ZNF689: variants seen among roughly 807,000 people sequenced by gnomAD.
ZNF689 encodes the protein zinc finger protein 689.
ZNF689 carries 14 observed loss-of-function variants against 37.2 expected under a neutral mutation model. The observed-to-expected ratio is 0.38, with a 90% CI of 0.25 to 0.59. ZNF689 has a LOEUF of 0.59. ZNF689 is among the 20% of genes least tolerant of loss of function. The pLI, the probability that ZNF689 is intolerant of heterozygous loss-of-function variation, is 0.68. For missense variants in ZNF689, 573 were observed against 700.2 expected (o/e 0.82, Z 2.05); for synonymous variants, 277 against 283.3 (o/e 0.98, Z 0.22).
chr16:30,609,789 C>T, intron 1 of ZNF689, 48 bp downstream of exon 1: 2 of 1,572,560 alleles, frequency 1.3e-6, no homozygotes, highest in Non-Finnish European at 1.7e-6. Flanking sequence ...CCCTCTCCGG[C>T]TCCTGCATCC....
chr16:30,609,289 AGACG>A, intron 2 of ZNF689: 4 of 328,048 alleles, frequency 1.2e-5, no homozygotes, highest in Admixed American at 4.5e-5. Flanking sequence ...AAAAAAAAAA[AGACG>A]AAGAATAAGC....
rs781169168 is a variant in ZNF689 at position 30,604,962 on chromosome 16, GA to G, written c.804del (p.Arg269AlafsTer8). On this transcript the variant is annotated frameshift_variant, in exon 3 of 3. Transcript: ENST00000287461. LOFTEE classifies it high-confidence loss of function. This position sits in a 1 kb window ranked among gnomAD's most constrained non-coding sequence, Gnocchi z 5.2. Reference sequence around the variant, plus strand: ...GCTAGCAGGGAGGGGTAGGCGAAGCGACGTCCACAGCTAGGGCACTGGTGGG... The same window carrying G: ...GCTAGCAGGGAGGGGTAGGCGAAGCGCGTCCACAGCTAGGGCACTGGTGGG... ...EKPHQCPSCG[R>X]RFAYPSLLAI... 1 of 1,581,332 alleles carries G rather than the reference GA, an allele frequency of 6.3e-7. No homozygotes were observed. The highest frequency in any genetic ancestry group is 1.2e-5 in the South Asian group (1 of 85,150).
chr16:30,604,822 C>T lies in ZNF689; in HGVS notation c.945G>A (p.Lys315=). ...GCTCGCAGTCCGGGCACGGGTAGGG[C>T]TTCTCGCCCGTGTGGATGCGCTGGT... ...VIHQRIHTGE[K]PYPCPDCERR... The change falls in exon 3 of 3, where the codon AAG becomes AAA. Residue 315 remains lysine, a synonymous_variant. Coordinates refer to ENST00000287461, the MANE Select transcript of ZNF689 (RefSeq NM_138447.3). This position sits in a 1 kb window ranked among gnomAD's most constrained non-coding sequence, Gnocchi z 5.2. 6.2e-7 allele frequency: 1 copy of T among 1,607,318 alleles called. No homozygotes were observed.
chr16:30,609,432 C>T, intron 2 of ZNF689, 93 bp downstream of exon 2: 2 of 1,130,352 alleles, frequency 1.8e-6, no homozygotes, highest in Non-Finnish European at 2.6e-6. Flanking sequence ...TACGCGGCAC[C>T]CACCCCTAGC....
At position 30,604,375 on chromosome 16, in the gene ZNF689, C is replaced by A. The variant is rs1219316566; in HGVS notation, c.1392G>T (p.Arg464=). The A allele has an allele frequency of 6.2e-7, 1 of 1,613,726 alleles. No homozygotes were observed. Among genetic ancestry groups the A allele is most frequent in the Admixed American group, 1.7e-5 (1 of 60,014 alleles). The part of the protein sequence containing the change: ...EKPFPCLECG[R]CFRQRWSLAV... ...CCAGAGACCACCTCTGGCGGAAGCA[C>A]CGGCCACACTCGAGGCAGGGGAAAG... Residue 464 remains arginine, a synonymous_variant, in exon 3 of 3, where the codon CGG becomes CGT. Coordinates refer to ENST00000287461, the MANE Select transcript of ZNF689 (RefSeq NM_138447.3). This position sits in a 1 kb window ranked among gnomAD's most constrained non-coding sequence, Gnocchi z 5.2.
At chr16:30,606,609 C>T (rs934541569) in intron 2 of ZNF689, among the ~76,000 whole-genome samples, 3 of 151,810 alleles carry the variant, frequency 2.0e-5, no homozygotes, top group African/African-American at 7.3e-5. Context: ...AAGTGATTCT[C>T]CCTGCCTCAG....
Position 30,610,110 on chromosome 16 carries a change from G to A in ZNF689, c.-69C>T. On this transcript the variant is annotated 5_prime_UTR_variant, in exon 1 of 3. Transcript: ENST00000287461. ...CGGCCCTCGGGCGCTGGCGGCCCCT[G>A]GGATCGAGGAGCCCCTGCCGGACCA... 1.3e-6 allele frequency: 2 copies of A among 1,502,148 alleles called. No homozygotes were observed. The highest frequency in any genetic ancestry group is 1.8e-6 in the Non-Finnish European group (2 of 1,123,108). 93.1% of individuals were successfully genotyped at this position (1,502,148 alleles called of 1,614,324 possible). A position where few individuals can be genotyped will look rare whatever the true frequency, so the allele number is the denominator to read the frequency against.
chr16:30,606,252 A>G (rs1596586749), intron 2 of ZNF689, among the ~76,000 whole-genome samples: 1 of 152,282 alleles, frequency 6.6e-6, no homozygotes, highest in South Asian at 2.1e-4. Flanking sequence ...ACTGTGAACC[A>G]TGATGGCACC....
intron 2 of ZNF689, among the ~76,000 whole-genome samples, chr16:30,607,302 G>T (rs918319915): frequency 4.9e-4 from 70 of 143,224 alleles, no homozygotes; most frequent in African/African-American, 1.8e-3. Flanking sequence ...TGTTAGAAAC[G>T]TAAGTCCCAG....
chr16:30,609,717 G>A lies in ZNF689; in HGVS notation c.206-79C>T, dbSNP rs1596588894. On this transcript the variant is annotated intron_variant, in intron 1 of 2. Transcript: ENST00000287461. ...TCTCCCCGACGGCACCTCCTGCTAA[G>A]CCCCTGCCCACCTCCCCTGACAACC... 3 of 1,596,432 alleles carry A rather than the reference G, an allele frequency of 1.9e-6. No individual in the cohort carries two copies. In the Admixed American group the frequency reaches 5.2e-5, roughly 28 times the overall value.
Position 30,603,363 on chromosome 16 carries a change from GC to G in ZNF689, c.*900del, listed in dbSNP as rs2051998127. On this transcript the variant is annotated 3_prime_UTR_variant, in exon 3 of 3. Transcript: ENST00000287461. The stretch of plus-strand genomic sequence containing the variant: ...TACAAGATGAAGACTTAGTTTTATA[GC>G]TTTTTTTTTTTTTTTTAAGTTTAGG... The G allele has an allele frequency of 8.1e-6, 1 of 124,096 alleles. No individual in the cohort carries two copies. Among genetic ancestry groups the G allele is most frequent in the African/African-American group, 3.6e-5 (1 of 28,146 alleles). The allele number at this position is 124,096 out of a possible 1,614,324, so 7.7% of individuals were successfully genotyped here.
Position 30,604,732 on chromosome 16 carries a change from A to G in ZNF689, c.1035T>C (p.Tyr345=). Residue 345 remains tyrosine, a synonymous_variant, in exon 3 of 3, where the codon TAT becomes TAC. Transcript: ENST00000287461. This position sits in a 1 kb window ranked among gnomAD's most constrained non-coding sequence, Gnocchi z 5.2. ...AGCGGGCCTCACAGTGCTCGCAGGC[A>G]TAGGGACGCTCCCCAGAGTGCACAC... The part of the protein sequence containing the change: ...HRRVHSGERP[Y]ACEHCEARFS... 1 of 1,606,554 alleles carries G rather than the reference A, an allele frequency of 6.2e-7. No individual in the cohort carries two copies. The highest frequency in any genetic ancestry group is 8.5e-7 in the Non-Finnish European group (1 of 1,177,622).
In ZNF689 at chr16:30,602,886, T is replaced by C. The variant is rs1046497930; in HGVS notation, c.*1378A>G. 2.6e-5 allele frequency: 4 copies of C among 152,208 alleles called. No homozygotes were observed. Among genetic ancestry groups the C allele is most frequent in the African/African-American group, 7.2e-5 (3 of 41,456 alleles). 9.4% of individuals were successfully genotyped at this position (152,208 alleles called of 1,614,324 possible). ...TCACATTTAACTCGGTAAAGCTTTA[T>C]GAAGCACCTACCCAGTGGGTGCCAT... is the stretch of plus-strand genomic sequence containing the variant. On this transcript the variant is annotated 3_prime_UTR_variant, in exon 3 of 3. Coordinates refer to ENST00000287461, the MANE Select transcript of ZNF689 (RefSeq NM_138447.3).
At chr16:30,609,207 G>A (rs958973588) in intron 2 of ZNF689, among the ~76,000 whole-genome samples, 2 of 151,126 alleles carry the variant, frequency 1.3e-5, no homozygotes, top group East Asian at 3.9e-4. Context: ...GGGAGGCCAA[G>A]GCAGGAGGAT....
In ZNF689 at chr16:30,605,349, G is replaced by A. The variant is rs1457703553; in HGVS notation, c.418C>T (p.Leu140=). The A allele has an allele frequency of 6.2e-7, 1 of 1,613,836 alleles. No individual in the cohort carries two copies. Among genetic ancestry groups the A allele is most frequent in the Admixed American group, 1.7e-5 (1 of 59,960 alleles). Residue 140 remains leucine (L), a synonymous_variant, in exon 3 of 3, where the codon CTG becomes TTG. Coordinates refer to ENST00000287461, the MANE Select transcript of ZNF689 (RefSeq NM_138447.3). This position sits in a 1 kb window ranked among gnomAD's most constrained non-coding sequence, Gnocchi z 5.1. ...CCCCCGGACGTCTGCCTAGGAATCA[G>A]TCGGGGTTTGCTGGGCCTCCGGCCT... ...KRGRRPSKPR[L]IPRQTSGGPI...
chr16:30,607,173 T>C (rs1346330395), intron 2 of ZNF689, among the ~76,000 whole-genome samples: 1 of 129,958 alleles, frequency 7.7e-6, no homozygotes, highest in Non-Finnish European at 1.5e-5. Flanking sequence ...CACTTGATCC[T>C]GGGAGGCGGA....
At position 30,605,112 on chromosome 16, in the gene ZNF689, T is replaced by C; in HGVS notation, c.655A>G (p.Asn219Asp). The change falls in exon 3 of 3, where the codon AAC becomes GAC. Residue 219 changes from asparagine (N) to aspartate (D), a missense_variant. Transcript: ENST00000287461. This position sits in a 1 kb window ranked among gnomAD's most constrained non-coding sequence, Gnocchi z 5.1. ...QCGKRFSQRK[N>D]LSQHQVIHTG... ...TGGATGACCTGGTGCTGGGAGAGGT[T>C]CTTGCGCTGGGAGAAACGTTTGCCA... 1 of 1,613,946 alleles carries C rather than the reference T, an allele frequency of 6.2e-7. No individual in the cohort carries two copies. The highest frequency in any genetic ancestry group is 8.5e-7 in the Non-Finnish European group (1 of 1,179,970).
rs960669975 is a variant in ZNF689, at chr16:30,604,051, G to A, written c.*213C>T. 3.1e-5 allele frequency: 22 copies of A among 709,272 alleles called. No individual in the cohort carries two copies. In the South Asian group the frequency reaches 3.3e-4, roughly 11 times the overall value. 43.9% of individuals were successfully genotyped at this position (709,272 alleles called of 1,614,324 possible). A position where few individuals can be genotyped will look rare whatever the true frequency, so the allele number is the denominator to read the frequency against. Reference sequence around the variant, plus strand: ...AACTATTTTAGGATAGGGTAGCTTGGAAAACTTTAAGCAAATGACGTCACC... The same window carrying A: ...AACTATTTTAGGATAGGGTAGCTTGAAAAACTTTAAGCAAATGACGTCACC... On this transcript the variant is annotated 3_prime_UTR_variant, in exon 3 of 3. Transcript: ENST00000287461. The surrounding 1 kb of genome is among the most constrained non-coding windows in gnomAD (Gnocchi z 5.2).
At position 30,609,667 on chromosome 16, in the gene ZNF689, A is replaced by T. The variant is rs759549892; in HGVS notation, c.206-29T>A. 11 of 1,613,540 alleles carry T rather than the reference A, an allele frequency of 6.8e-6. No homozygotes were observed. In the East Asian group the frequency reaches 2.0e-4, roughly 29 times the overall value. On this transcript the variant is annotated intron_variant, in intron 1 of 2. Transcript: ENST00000287461. ...GGGAAAGAGAACAAATCAGAAGGCC[A>T]GCTCCTAGATCACGCCGAGTAGTAT...
Sources: allele counts gnomAD v4.1 joint callset (sites outside exome capture counted in the v4.1 genomes callset), GRCh38; gene constraint gnomAD v4.1.1; non-coding constraint Gnocchi (gnomAD v3.1); transcripts MANE v1.5; gene names NCBI Gene and HGNC (gene_info 2026-07-23, HGNC 2026-07-21).